The following GRM3 variants were observed in gnomAD, a reference collection of about 807,000 sequenced individuals.
GRM3 encodes the protein metabotropic glutamate receptor 3.
A neutral mutation model predicts 70.5 loss-of-function variants in GRM3; 26 were observed. The ratio of observed to expected loss-of-function variants is 0.37; its 90% CI spans 0.27 to 0.51. GRM3 has a LOEUF of 0.51. Among genes scored for constraint, GRM3 ranks in the 20% least tolerant of loss-of-function variants. GRM3 has a pLI of 0.93. For synonymous variants in GRM3, 443 were observed against 434.9 expected (o/e 1.02, Z -0.23); for missense variants, 859 against 1,123.8 (o/e 0.76, Z 3.37).
At chr7:86,716,931 A>T (rs1021523717) in intron 1 of GRM3, among the ~76,000 whole-genome samples, 2 of 151,872 alleles carry the variant, frequency 1.3e-5, no homozygotes, top group African/African-American at 4.8e-5. Flanking sequence ...TAGACACCAG[A>T]ACATAGTACT....
intron 3 of GRM3, among the ~76,000 whole-genome samples, chr7:86,832,743 T>C (rs1337151001): frequency 6.6e-6 from 1 of 152,194 alleles, no homozygotes; most frequent in East Asian, 1.9e-4. Flanking sequence ...AGGTATAGAC[T>C]TGCTGCCTCT....
intron 1 of GRM3, chr7:86,710,245 C>T (rs947762858): frequency 6.6e-6 from 1 of 151,566 alleles, no homozygotes; most frequent in African/African-American, 2.4e-5. Context: ...CTATGAACTC[C>T]CTAACTTTGA....
chr7:86,679,603 C>T (rs1018652566), intron 1 of GRM3, among the ~76,000 whole-genome samples: 4 of 148,690 alleles, frequency 2.7e-5, no homozygotes, highest in African/African-American at 1.0e-4. Flanking sequence ...TTATTATGTA[C>T]ATCAGACTAG....
intron 1 of GRM3, among the ~76,000 whole-genome samples, chr7:86,724,491 A>T (rs1476420332): frequency 6.6e-6 from 1 of 152,096 alleles, no homozygotes; most frequent in African/African-American, 2.4e-5. Flanking sequence ...GGAGCCCTTT[A>T]CATTATTTAT....
chr7:86,694,528 AG>A (rs58912295), intron 1 of GRM3, among the ~76,000 whole-genome samples: 13,652 of 70,344 alleles, frequency 0.19, 1,472 homozygotes, highest in East Asian at 0.38. Flanking sequence ...AAAAAAAAAA[AG>A]AAAAGAAAGA....
Position 86,717,752 on chromosome 7 carries a change from A to G in GRM3, c.-140-47254A>G, listed in dbSNP as rs116661946. ...GGTTTGTCAAGGTTTACTAAACTCT[A>G]AGTGAAAAGATGGGCATCGAGGAAA... On this transcript the variant is annotated intron_variant, in intron 1 of 5. Transcript: ENST00000361669. Among the ~76,000 whole-genome samples, 230 of 152,104 alleles carry G rather than the reference A, an allele frequency of 1.5e-3. 2 individuals are homozygous for G. The highest frequency in any genetic ancestry group is 5.2e-3 in the African/African-American group (218 of 41,544).
chr7:86,841,612 T>G (rs190469816), intron 4 of GRM3, among the ~76,000 whole-genome samples: 64 of 152,256 alleles, frequency 4.2e-4, no homozygotes, highest in Middle Eastern at 3.4e-3. Flanking sequence ...TGCAAAGTAG[T>G]TATAATACTA....
chr7:86,662,843 T>C (rs1793928733), intron 1 of GRM3, among the ~76,000 whole-genome samples: 1 of 151,942 alleles, frequency 6.6e-6, no homozygotes, highest in African/African-American at 2.4e-5. Context: ...CCCCAAATAC[T>C]GATGAGAGCC....
At chr7:86,787,438 T>A (rs185760435) in intron 3 of GRM3, among the ~76,000 whole-genome samples, 89 of 152,310 alleles carry the variant, frequency 5.8e-4, no homozygotes, top group South Asian at 3.5e-3. Flanking sequence ...ATGGCATGTG[T>A]GATATGGGCA....
intron 1 of GRM3, among the ~76,000 whole-genome samples, chr7:86,737,937 C>G (rs1227802734): frequency 6.6e-6 from 1 of 152,184 alleles, no homozygotes; most frequent in Non-Finnish European, 1.5e-5. Flanking sequence ...TATATGAAAT[C>G]TATTGTGCAC....
At chr7:86,776,296 C>T (rs768025195) in intron 2 of GRM3, among the ~76,000 whole-genome samples, 20 of 152,262 alleles carry the variant, frequency 1.3e-4, no homozygotes, top group African/African-American at 3.8e-4. Flanking sequence ...AGCCGAAGGT[C>T]ACACAGCTAG....
intron 1 of GRM3, among the ~76,000 whole-genome samples, chr7:86,668,863 C>A (rs756772129): frequency 3.3e-5 from 5 of 152,070 alleles, no homozygotes; most frequent in Admixed American, 2.6e-4. Context: ...CTTCTGGGAA[C>A]CTTGCTTTAT....
intron 1 of GRM3, among the ~76,000 whole-genome samples, chr7:86,727,796 T>C (rs1795625726): frequency 6.6e-6 from 1 of 152,188 alleles, no homozygotes; most frequent in Non-Finnish European, 1.5e-5. Flanking sequence ...CATTGGCTTT[T>C]GTACCAAATC....
intron 1 of GRM3, among the ~76,000 whole-genome samples, chr7:86,717,586 T>A (rs986127583): frequency 6.6e-6 from 1 of 151,768 alleles, no homozygotes; most frequent in Admixed American, 6.6e-5. Context: ...TAATAAACAA[T>A]AAAAAAGTAT....
At position 86,787,107 on chromosome 7, in the gene GRM3, A is replaced by G; in HGVS notation, c.1315A>G (p.Asn439Asp). The change falls in exon 3 of 6, where the codon AAC becomes GAC. Residue 439 changes from asparagine to aspartate, a missense_variant. Physicochemically the swap from Asn to Asp is conservative, Grantham distance 23. Coordinates refer to ENST00000361669, the MANE Select transcript of GRM3 (RefSeq NM_000840.3). ...GTACAAGGATTACTTGCTGAAAATC[A>G]ACTTCACGGGTAAGCCAAGAGCCTT... ...KLYKDYLLKI[N>D]FTAPFNPNKD... is the part of the protein sequence containing the mutation. 1 of 1,600,930 alleles carries G rather than the reference A, an allele frequency of 6.2e-7. No individual in the cohort carries two copies. Among genetic ancestry groups the G allele is most frequent in the Middle Eastern group, 1.7e-4 (1 of 6,030 alleles).
At chr7:86,772,189 C>G (rs1796761813) in intron 2 of GRM3, among the ~76,000 whole-genome samples, 1 of 151,924 alleles carries the variant, frequency 6.6e-6, no homozygotes, top group Non-Finnish European at 1.5e-5. Flanking sequence ...GAGAGTAAGT[C>G]TTTGTTGAAT....
At chr7:86,682,281 T>C (rs1361998488) in intron 1 of GRM3, among the ~76,000 whole-genome samples, 1 of 152,220 alleles carries the variant, frequency 6.6e-6, no homozygotes, top group East Asian at 1.9e-4. Context: ...TTTGATATTA[T>C]TTTAAAAATT....
At chr7:86,772,449 C>T (rs1027729182) in intron 2 of GRM3, among the ~76,000 whole-genome samples, 4 of 152,074 alleles carry the variant, frequency 2.6e-5, no homozygotes, top group Non-Finnish European at 5.9e-5. Flanking sequence ...TTGCCCCCAT[C>T]GTCCTCACTC....
chr7:86,815,550 A>AT (rs1250467298), intron 3 of GRM3, among the ~76,000 whole-genome samples: 1 of 151,912 alleles, frequency 6.6e-6, no homozygotes, highest in Non-Finnish European at 1.5e-5. Flanking sequence ...TGGGGAAATT[A>AT]TTTACATTAT....
Sources: allele counts gnomAD v4.1 joint callset (sites outside exome capture counted in the v4.1 genomes callset), GRCh38; gene constraint gnomAD v4.1.1; transcripts MANE v1.5; gene names NCBI Gene and HGNC (gene_info 2026-07-23, HGNC 2026-07-21).